Variants in RBL1 observed in about 807,000 individuals in gnomAD.
RBL1 encodes the protein RB transcriptional corepressor like 1, also known as retinoblastoma-like protein 1.
In RBL1, 82 loss-of-function variants were observed where a neutral mutation model predicts 123.0. The ratio of observed to expected loss-of-function variants is 0.67; its 90% CI spans 0.56 to 0.80. The LOEUF is 0.80. Ranked by LOEUF, RBL1 falls within the 30% of genes least tolerant of loss-of-function variation. RBL1 has a pLI of 0.00. For missense variants in RBL1, 1,171 were observed against 1,299.6 expected, an observed-to-expected ratio of 0.90 and a Z score of 1.52; for synonymous variants, 405 against 441.3, an observed-to-expected ratio of 0.92 and a Z score of 1.03.
intron 13 of RBL1, among the ~76,000 whole-genome samples, chr20:37,042,549 A>G (rs982114519): frequency 2.0e-5 from 3 of 152,150 alleles, no homozygotes; most frequent in African/African-American, 7.2e-5. Flanking sequence ...AAATGAAAAC[A>G]TATGTACATA....
chr20:37,005,266 G>A (rs985031454), intron 20 of RBL1, among the ~76,000 whole-genome samples: 2 of 152,010 alleles, frequency 1.3e-5, no homozygotes, highest in Non-Finnish European at 2.9e-5. Flanking sequence ...AATCAGCTGG[G>A]CGTGGTGACA....
intron 9 of RBL1, 36 bp downstream of exon 9, chr20:37,061,065 TAA>T: frequency 6.7e-7 from 1 of 1,485,970 alleles, no homozygotes. Context: ...AATCTAATTT[TAA>T]AAAGACATTT....
At chr20:37,020,405 A>T (rs2064323195) in intron 18 of RBL1, among the ~76,000 whole-genome samples, 1 of 152,212 alleles carries the variant, frequency 6.6e-6, no homozygotes, top group African/African-American at 2.4e-5. Flanking sequence ...CATATCTTTC[A>T]TTAAATGAAC....
chr20:37,089,821 C>G (rs1044813065), intron 1 of RBL1, among the ~76,000 whole-genome samples: 2 of 152,120 alleles, frequency 1.3e-5, no homozygotes, highest in African/African-American at 2.4e-5. Flanking sequence ...GAGGCTGGAG[C>G]GGGTGAATCA....
chr20:37,045,945 T>C (rs1024392391), intron 12 of RBL1, among the ~76,000 whole-genome samples: 1 of 152,224 alleles, frequency 6.6e-6, no homozygotes, highest in Non-Finnish European at 1.5e-5. Context: ...AGCGTAACAG[T>C]AGCATTAGTC....
chr20:37,018,171 A>C, intron 19 of RBL1, 108 bp downstream of exon 19: 4 of 1,219,130 alleles, frequency 3.3e-6, no homozygotes, highest in South Asian at 2.1e-5. Context: ...TGCATTGTCC[A>C]CCTCACCTCC....
At chr20:37,040,444 C>G (rs1262359444) in intron 13 of RBL1, among the ~76,000 whole-genome samples, 159 bp from the exon 14 acceptor site, 2 of 152,110 alleles carry the variant, frequency 1.3e-5, no homozygotes, top group Non-Finnish European at 2.9e-5. Context: ...CTCCAACGCC[C>G]GGGGTTCAAG....
intron 2 of RBL1, among the ~76,000 whole-genome samples, chr20:37,088,058 A>G (rs1489769233): frequency 6.6e-6 from 1 of 152,172 alleles, no homozygotes; most frequent in Non-Finnish European, 1.5e-5. Flanking sequence ...TGAGGTCGGG[A>G]GTTCGAGACC....
At position 37,067,218 on chromosome 20, in the gene RBL1, A is replaced by AAAGTGTCATCTTACCCTGG. The variant is rs1257611439; in HGVS notation, c.556+14_556+15insCCAGGGTAAGATGACACTT. 6.3e-6 allele frequency: 10 copies of AAAGTGTCATCTTACCCTGG among 1,593,576 alleles called. No homozygotes were observed. The highest frequency in any genetic ancestry group is 1.4e-5 in the African/African-American group (1 of 73,706). On this transcript the variant is annotated intron_variant, in intron 4 of 21. Transcript: ENST00000373664. ...CCAGAGTAGAAATGTAAGACCACTG[A>AAAGTGTCATCTTACCCTGG]AAGTGTCATCTTACCCTTAGTATAA...
rs2064024771 is a variant in RBL1, at chr20:37,003,792, C to T, written c.2946G>A (p.Gln982=). 6.2e-7 allele frequency: 1 copy of T among 1,613,962 alleles called. No homozygotes were observed. Among genetic ancestry groups the T allele is most frequent in the Non-Finnish European group, 8.5e-7 (1 of 1,179,934 alleles). The change falls in exon 21 of 22, where the codon CAG becomes CAA. Residue 982 remains glutamine, a synonymous_variant. Coordinates refer to ENST00000373664, the MANE Select transcript of RBL1 (RefSeq NM_002895.5). ...TGTGCGGGGAAATATAAATGGAGTG[C>T]TGCTGGGAAATGCGGCGTGGTGAGC... The part of the protein sequence containing the change: ...QPGSPRRISQ[Q]HSIYISPHKN...
At chr20:37,061,910 G>A (rs1281311848) in intron 8 of RBL1, among the ~76,000 whole-genome samples, 174 bp downstream of exon 8, 1 of 152,200 alleles carries the variant, frequency 6.6e-6, no homozygotes, top group African/African-American at 2.4e-5. Context: ...AGTAAGAAAT[G>A]AGGTAAAAAT....
intron 19 of RBL1, among the ~76,000 whole-genome samples, chr20:37,008,053 CA>C (rs2064104038): frequency 6.6e-6 from 1 of 152,186 alleles, no homozygotes; most frequent in African/African-American, 2.4e-5. Flanking sequence ...GAAATGCAAA[CA>C]TATGAACTGA....
chr20:37,066,992 C>A lies in RBL1; in HGVS notation c.685+1G>T, dbSNP rs768722577. The stretch of plus-strand genomic sequence containing the variant: ...TTTCAAAAATAAATAAAAGGTCTTA[C>A]CTTTAAATGATGGATTTAGCAAGTC... On this transcript the variant is annotated splice_donor_variant, in intron 5 of 21. Transcript: ENST00000373664. LOFTEE classifies it high-confidence loss of function. 12 of 1,600,844 alleles carry A rather than the reference C, an allele frequency of 7.5e-6. No individual in the cohort carries two copies. Among genetic ancestry groups the A allele is most frequent in the African/African-American group, 1.3e-5 (1 of 74,216 alleles).
chr20:37,044,217 GC>G lies in RBL1; in HGVS notation c.1638del (p.Leu547SerfsTer6), dbSNP rs2064780023. 2 of 1,613,650 alleles carry G rather than the reference GC, an allele frequency of 1.2e-6. No individual in the cohort carries two copies. The highest frequency in any genetic ancestry group is 3.3e-5 in the Admixed American group (2 of 59,950). ...AGGTGTTTCACCATGTCCCTTGAGAGCCCCTCTTCTGAGCGGATCACCACCT... is the reference window on the plus strand; with the variant it reads ...AGGTGTTTCACCATGTCCCTTGAGAGCCCTCTTCTGAGCGGATCACCACCT... Reference protein sequence around the residue: ...VIEVVIRSEEGLSRDMVKHLN... With the variant: ...VIEVVIRSEEXLSRDMVKHLN... On this transcript the variant is annotated frameshift_variant, in exon 13 of 22. Coordinates refer to ENST00000373664, the MANE Select transcript of RBL1 (RefSeq NM_002895.5). LOFTEE classifies it high-confidence loss of function.
chr20:37,092,522 C>T (rs1234422109), intron 1 of RBL1, among the ~76,000 whole-genome samples: 2 of 152,078 alleles, frequency 1.3e-5, no homozygotes, highest in Admixed American at 6.6e-5. Context: ...GCACATGCCA[C>T]CACACCCAGC....
intron 13 of RBL1, among the ~76,000 whole-genome samples, chr20:37,041,110 G>T (rs1372098888): frequency 6.6e-6 from 1 of 152,048 alleles, no homozygotes; most frequent in Non-Finnish European, 1.5e-5. Flanking sequence ...AATTCCTCCT[G>T]GCCTTGGACA....
intron 18 of RBL1, among the ~76,000 whole-genome samples, chr20:37,018,904 C>T (rs1055455814): frequency 1.3e-5 from 2 of 152,254 alleles, no homozygotes; most frequent in East Asian, 3.9e-4. Context: ...GCTGAGATCG[C>T]ACCACTGCAC....
intron 16 of RBL1, among the ~76,000 whole-genome samples, chr20:37,029,234 T>G (rs2064468114): frequency 6.6e-6 from 1 of 152,140 alleles, no homozygotes; most frequent in Non-Finnish European, 1.5e-5. Flanking sequence ...AGTAATCCCT[T>G]GGTATACACA....
intron 2 of RBL1, among the ~76,000 whole-genome samples, chr20:37,077,596 T>G (rs552969572): frequency 5.9e-5 from 9 of 152,300 alleles, no homozygotes; most frequent in Non-Finnish European, 1.3e-4. Flanking sequence ...CATCAGACTT[T>G]CAACTCTCCA....
Sources: allele counts gnomAD v4.1 joint callset (sites outside exome capture counted in the v4.1 genomes callset), GRCh38; gene constraint gnomAD v4.1.1; transcripts MANE v1.5; gene names NCBI Gene and HGNC (gene_info 2026-07-23, HGNC 2026-07-21).